MEIKIN: variants seen among roughly 807,000 people sequenced by gnomAD.
The protein encoded by MEIKIN is meiosis-specific kinetochore protein.
In MEIKIN at chr5:131,893,453, G is replaced by C. The variant is rs539538962; in HGVS notation, c.704-14405C>G. Among the ~76,000 whole-genome samples, 20 of 152,370 alleles carry C rather than the reference G, an allele frequency of 1.3e-4. No homozygotes were observed. In the South Asian group the frequency reaches 3.7e-3, roughly 28 times the overall value. ...AGCCCGTTGGAAAAGCGCAGTATTA[G>C]CGTGGGAGCGACCCGATATTCCAGG... On this transcript the variant is annotated intron_variant, in intron 8 of 12. Transcript: ENST00000442687.
chr5:131,838,107 A>G (rs1166256068), intron 11 of MEIKIN, among the ~76,000 whole-genome samples: 3 of 152,138 alleles, frequency 2.0e-5, no homozygotes, highest in African/African-American at 7.2e-5. Flanking sequence ...GCATCTATTG[A>G]GATAATAACA....
chr5:131,830,282 A>C (rs1749693114), intron 11 of MEIKIN, among the ~76,000 whole-genome samples: 1 of 152,190 alleles, frequency 6.6e-6, no homozygotes, highest in Admixed American at 6.5e-5. Context: ...CTGTAGTCCC[A>C]GCTACTTGGG....
chr5:131,945,157 T>G lies in MEIKIN; in HGVS notation c.199A>C (p.Ser67Arg), dbSNP rs1321304408. The G allele has an allele frequency of 2.5e-6, 1 of 399,160 alleles. No homozygotes were observed. The highest frequency in any genetic ancestry group is 4.4e-6 in the Non-Finnish European group (1 of 226,128). The allele number at this position is 399,160 out of a possible 1,614,324, so 24.7% of individuals were successfully genotyped here. The change falls in exon 2 of 13, where the codon AGC (serine) becomes CGC (arginine). Residue 67 changes from serine to arginine, a missense_variant and splice_region_variant. Transcript: ENST00000442687. ...RQGGSGSGPF[S>R]PRLGVTGEKS... The stretch of plus-strand genomic sequence containing the variant: ...GGGCTGTTACTGGAGGCTACATACC[T>G]GAACGGCCCAGAGCCGCTACCTCCC...
At chr5:131,897,398 T>C (rs1379712789) in intron 8 of MEIKIN, among the ~76,000 whole-genome samples, 2 of 152,206 alleles carry the variant, frequency 1.3e-5, no homozygotes, top group African/African-American at 2.4e-5. Context: ...ATCTTTGTGG[T>C]GTTCTCTGTA....
At position 131,945,229 on chromosome 5, in the gene MEIKIN, C is replaced by CTTTG. The variant is rs1751942006; in HGVS notation, c.123_126dup (p.Val43GlnfsTer20). On this transcript the variant is annotated frameshift_variant, in exon 2 of 13. Coordinates refer to ENST00000442687, the MANE Select transcript of MEIKIN (RefSeq NM_001303622.2). LOFTEE classifies it high-confidence loss of function. ...TCTGCAATCTTCGACAAGCCGTGCA[C>CTTTG]TTTGCCTTTTCTCTTCGAACCTGAG... 2 of 399,192 alleles carry CTTTG rather than the reference C, an allele frequency of 5.0e-6. No homozygotes were observed. Among genetic ancestry groups the CTTTG allele is most frequent in the Non-Finnish European group, 8.8e-6 (2 of 226,256 alleles). 24.7% of individuals were successfully genotyped at this position (399,192 alleles called of 1,614,324 possible).
At chr5:131,901,028 C>T (rs1162401879) in intron 8 of MEIKIN, among the ~76,000 whole-genome samples, 1 of 152,184 alleles carries the variant, frequency 6.6e-6, no homozygotes, top group Admixed American at 6.5e-5. Context: ...CCATTGCTGT[C>T]GAAGCATTTG....
intron 11 of MEIKIN, among the ~76,000 whole-genome samples, chr5:131,822,218 T>C (rs779114227): frequency 3.9e-5 from 6 of 152,160 alleles, no homozygotes; most frequent in Non-Finnish European, 7.4e-5. Flanking sequence ...CATTGGGTCT[T>C]GTTTTCTTTT....
chr5:131,915,539 G>T (rs1751402393), intron 7 of MEIKIN, among the ~76,000 whole-genome samples: 1 of 152,114 alleles, frequency 6.6e-6, no homozygotes, highest in Non-Finnish European at 1.5e-5. Context: ...ATTTCTGAGA[G>T]TACAAGGGTA....
chr5:131,890,239 C>T (rs906260694), intron 8 of MEIKIN, among the ~76,000 whole-genome samples: 2 of 152,206 alleles, frequency 1.3e-5, no homozygotes, highest in African/African-American at 2.4e-5. Flanking sequence ...AGGATTCCCT[C>T]TTTTTCTATT....
chr5:131,824,551 A>G (rs1749578052), intron 11 of MEIKIN, among the ~76,000 whole-genome samples: 2 of 152,106 alleles, frequency 1.3e-5, no homozygotes, highest in Admixed American at 1.3e-4. Context: ...AAACAAAACA[A>G]TAACCAGGAA....
chr5:131,858,209 T>G (rs1750228799), intron 9 of MEIKIN, among the ~76,000 whole-genome samples: 1 of 152,146 alleles, frequency 6.6e-6, no homozygotes, highest in Non-Finnish European at 1.5e-5. Flanking sequence ...TCTGGCCCTC[T>G]AAAATCTTCC....
At chr5:131,887,856 C>T (rs1343916279) in intron 8 of MEIKIN, among the ~76,000 whole-genome samples, 9 of 126,872 alleles carry the variant, frequency 7.1e-5, no homozygotes, top group African/African-American at 2.4e-4. Flanking sequence ...TATCCCTCAC[C>T]CCCTCCCCCC....
chr5:131,930,982 G>A (rs1751680028), intron 5 of MEIKIN, among the ~76,000 whole-genome samples: 4 of 152,096 alleles, frequency 2.6e-5, no homozygotes, highest in Admixed American at 2.0e-4. Flanking sequence ...AGTTTCTGGG[G>A]ATTTATCTTG....
intron 11 of MEIKIN, among the ~76,000 whole-genome samples, chr5:131,836,603 G>C (rs1749812664): frequency 6.6e-6 from 1 of 152,024 alleles, no homozygotes; most frequent in African/African-American, 2.4e-5. Context: ...ACTGGTGTGA[G>C]ATGATATCTC....
intron 12 of MEIKIN, among the ~76,000 whole-genome samples, chr5:131,818,130 G>A (rs1320924269): frequency 6.6e-6 from 1 of 152,090 alleles, no homozygotes. Flanking sequence ...GGGAATAACA[G>A]TACACATCTA....
chr5:131,845,667 A>G lies in MEIKIN; in HGVS notation c.975+5597T>C, dbSNP rs1269498005. 2.0e-5 allele frequency among the ~76,000 whole-genome samples: 3 copies of G among 152,108 alleles called. No homozygotes were observed. In the East Asian group the frequency reaches 5.8e-4, roughly 29 times the overall value. On this transcript the variant is annotated intron_variant, in intron 11 of 12. Transcript: ENST00000442687. ...ATAACTGAAAGGAAAAATTCACTAG[A>G]AAGATCCAAGGGCATATTTAAGCAG...
chr5:131,830,755 TCAATCTAGACTGTGA>T (rs1447833957), intron 11 of MEIKIN, among the ~76,000 whole-genome samples: 2 of 152,150 alleles, frequency 1.3e-5, no homozygotes, highest in Non-Finnish European at 2.9e-5. Context: ...GCTCTCCCCT[TCAATCTAGACTGTGA>T]CAAAGTAAGC....
At position 131,926,323 on chromosome 5, in the gene MEIKIN, T is replaced by G. The variant is rs753479576; in HGVS notation, c.479-4382A>C. Among the ~76,000 whole-genome samples the G allele has an allele frequency of 3.3e-5, 5 of 152,346 alleles. No homozygotes were observed. The East Asian group carries it at 5.8e-4, about 18-fold the overall frequency. On this transcript the variant is annotated intron_variant, in intron 5 of 12. Transcript: ENST00000442687. ...TAATTGTTACCCTTCATTCTGTTAA[T>G]GTAGTGTATCACTTTAGTTGATTTT...
At chr5:131,892,211 G>A (rs193182497) in intron 8 of MEIKIN, among the ~76,000 whole-genome samples, 2 of 152,000 alleles carry the variant, frequency 1.3e-5, no homozygotes, top group Non-Finnish European at 2.9e-5. Context: ...TGCTCTTCTC[G>A]AGGAGTATCT....
Sources: gnomAD v4.1 joint callset for allele counts (sites outside exome capture counted in the v4.1 genomes callset) on GRCh38, gnomAD v4.1.1 for gene constraint, MANE v1.5 for transcripts, NCBI Gene and HGNC (gene_info 2026-07-23, HGNC 2026-07-21) for gene names.